CCND1: variants seen among roughly 807,000 people sequenced by gnomAD.
CCND1 encodes the protein cyclin D1.
CCND1 carries 9 observed loss-of-function variants against 26.1 expected under a neutral mutation model. The observed-to-expected ratio is 0.35, with a 90% CI of 0.21 to 0.60. The LOEUF is 0.60. Ranked by LOEUF, CCND1 falls within the 20% of genes least tolerant of loss-of-function variation. The pLI is 0.79. For synonymous variants in CCND1, 194 were observed against 166.1 expected (o/e 1.17, Z -1.29); for missense variants, 335 against 392.9 (o/e 0.85, Z 1.25).
intron 3 of CCND1, among the ~76,000 whole-genome samples, chr11:69,645,816 T>C (rs779397495): frequency 1.3e-5 from 2 of 152,188 alleles, no homozygotes; most frequent in Non-Finnish European, 2.9e-5. Context: ...CTCCCTGCAC[T>C]AGGCATTCCT....
chr11:69,641,544 C>T (rs1046158576), intron 1 of CCND1, 33 bp downstream of exon 1: 1 of 1,602,268 alleles, frequency 6.2e-7, no homozygotes, highest in Admixed American at 1.7e-5. Flanking sequence ...CTTAAGACTT[C>T]CCTGCAACTT....
At chr11:69,648,276 C>T (rs951848670) in intron 4 of CCND1, 134 bp downstream of exon 4, 8 of 929,002 alleles carry the variant, frequency 8.6e-6, no homozygotes, top group Non-Finnish European at 1.3e-5. Context: ...GCCCCTCGGA[C>T]CCCAGGCCAC....
intron 4 of CCND1, among the ~76,000 whole-genome samples, chr11:69,650,713 T>A (rs1001310794): frequency 2.0e-5 from 3 of 152,130 alleles, no homozygotes; most frequent in Admixed American, 2.0e-4. Context: ...AGAGGTTAAG[T>A]CTGAAAAGGC....
chr11:69,653,178 A>C lies in CCND1; in HGVS notation c.*1896A>C, dbSNP rs1303778732. 2 of 648,744 alleles carry C rather than the reference A, an allele frequency of 3.1e-6. No individual in the cohort carries two copies. Among genetic ancestry groups the C allele is most frequent in the East Asian group, 5.6e-5 (2 of 35,610 alleles). 40.2% of individuals were successfully genotyped at this position (648,744 alleles called of 1,614,324 possible). A position where few individuals can be genotyped will look rare whatever the true frequency, so the allele number is the denominator to read the frequency against. ...ACAGGCGGGAGGAGGTGTGAGGAGGAGGCTCCCGAGGGGAAGGGGCGGTGC... is the reference window on the plus strand; with the variant it reads ...ACAGGCGGGAGGAGGTGTGAGGAGGCGGCTCCCGAGGGGAAGGGGCGGTGC... On this transcript the variant is annotated 3_prime_UTR_variant, in exon 5 of 5. Transcript: ENST00000227507.
At chr11:69,641,787 A>G (rs1339331409) in intron 1 of CCND1, among the ~76,000 whole-genome samples, 2 of 151,684 alleles carry the variant, frequency 1.3e-5, no homozygotes, top group Non-Finnish European at 2.9e-5. Context: ...GGGCACCCCA[A>G]TGGGCCCGAG....
chr11:69,645,068 C>G (rs1043444441), intron 3 of CCND1, among the ~76,000 whole-genome samples: 31 of 152,290 alleles, frequency 2.0e-4, no homozygotes, highest in African/African-American at 6.7e-4. Flanking sequence ...AGGCCTCCCC[C>G]ACCTCCTCCA....
At chr11:69,642,437 G>A (rs1168300037) in intron 1 of CCND1, among the ~76,000 whole-genome samples, 1 of 152,208 alleles carries the variant, frequency 6.6e-6, no homozygotes. Context: ...GGGGAAGGGG[G>A]GGCCCCGGAG....
At chr11:69,642,968 C>A in intron 1 of CCND1, 63 bp from the exon 2 acceptor site, 1 of 1,277,872 alleles carries the variant, frequency 7.8e-7, no homozygotes, top group Non-Finnish European at 1.0e-6. Flanking sequence ...ATGGGGGGTG[C>A]GGGGGCGTGC....
At position 69,653,207 on chromosome 11, in the gene CCND1, C is replaced by T; in HGVS notation, c.*1925C>T. The T allele has an allele frequency of 1.4e-6, 1 of 692,128 alleles. No homozygotes were observed. Among genetic ancestry groups the T allele is most frequent in the Non-Finnish European group, 2.6e-6 (1 of 380,130 alleles). The allele number at this position is 692,128 out of a possible 1,614,324, so 42.9% of individuals were successfully genotyped here. A position where few individuals can be genotyped will look rare whatever the true frequency, so the allele number is the denominator to read the frequency against. ...TCCCGAGGGGAAGGGGCGGTGCCCA[C>T]ACCGGGGACAGGCCGCAGCTCCATT... On this transcript the variant is annotated 3_prime_UTR_variant, in exon 5 of 5. Coordinates refer to ENST00000227507, the MANE Select transcript of CCND1 (RefSeq NM_053056.3).
Position 69,654,463 on chromosome 11 carries a change from G to A in CCND1, c.*3181G>A, listed in dbSNP as rs1180746537. 5 of 653,466 alleles carry A rather than the reference G, an allele frequency of 7.7e-6. No individual in the cohort carries two copies. The highest frequency in any genetic ancestry group is 1.4e-5 in the Non-Finnish European group (5 of 358,588). The allele number at this position is 653,466 out of a possible 1,614,324, so 40.5% of individuals were successfully genotyped here. A position where few individuals can be genotyped will look rare whatever the true frequency, so the allele number is the denominator to read the frequency against. ...AACATGAAAGTCTAGAAATAAAACT[G>A]GTAAAACCCCAGCGTGGTGCCTGCC... On this transcript the variant is annotated 3_prime_UTR_variant, in exon 5 of 5. Transcript: ENST00000227507. The surrounding 1 kb of genome is among the most constrained non-coding windows in gnomAD (Gnocchi z 6.3).
intron 3 of CCND1, among the ~76,000 whole-genome samples, chr11:69,644,505 C>G (rs1398511235): frequency 6.6e-6 from 1 of 152,190 alleles, no homozygotes; most frequent in East Asian, 1.9e-4. Context: ...GCAGGGGTGT[C>G]CAGCAGAGGA....
At position 69,644,164 on chromosome 11, in the gene CCND1, C is replaced by G. The variant is rs1354175828; in HGVS notation, c.574+173C>G. 22 of 669,184 alleles carry G rather than the reference C, an allele frequency of 3.3e-5. 1 individual carries two copies. The East Asian group carries it at 6.0e-4, about 18-fold the overall frequency. 41.5% of individuals were successfully genotyped at this position (669,184 alleles called of 1,614,324 possible). ...TGAGCAGAGGCCCTGGATTGTTTGT[C>G]GCGCTGGATGGAGGGAGATTTGCTC... is the stretch of plus-strand genomic sequence containing the variant. On this transcript the variant is annotated intron_variant, in intron 3 of 4. Coordinates refer to ENST00000227507, the MANE Select transcript of CCND1 (RefSeq NM_053056.3).
At position 69,652,748 on chromosome 11, in the gene CCND1, A is replaced by T. The variant is rs1855869531; in HGVS notation, c.*1466A>T. The T allele has an allele frequency of 4.3e-6, 1 of 231,136 alleles. No individual in the cohort carries two copies. The highest frequency in any genetic ancestry group is 6.1e-5 in the East Asian group (1 of 16,442). The allele number at this position is 231,136 out of a possible 1,614,324, so 14.3% of individuals were successfully genotyped here. ...TTCATAAGGCCAGTATGATTTATAA[A>T]TGCAATCTCCCCTTGATTTAAACAC... On this transcript the variant is annotated 3_prime_UTR_variant, in exon 5 of 5. Transcript: ENST00000227507.
At chr11:69,646,327 C>T (rs907452193) in intron 3 of CCND1, among the ~76,000 whole-genome samples, 3 of 152,172 alleles carry the variant, frequency 2.0e-5, no homozygotes, top group Non-Finnish European at 4.4e-5. Flanking sequence ...TAAGTTGTTA[C>T]GGCGCCCAGC....
intron 1 of CCND1, 76 bp downstream of exon 1, chr11:69,641,587 C>T (rs541049900): frequency 5.2e-6 from 7 of 1,353,740 alleles, no homozygotes; most frequent in Non-Finnish European, 6.3e-6. Context: ...TGCTACTCAC[C>T]CCCCTCCCTT....
At chr11:69,651,050 G>A (rs1855847013) in intron 4 of CCND1, 68 bp from the exon 5 acceptor site, 6 of 1,475,040 alleles carry the variant, frequency 4.1e-6, no homozygotes, top group Non-Finnish European at 4.6e-6. Context: ...CACCTGGGAA[G>A]GGGCCCTCGC....
At chr11:69,643,623 G>C in intron 2 of CCND1, 2 of 510,282 alleles carry the variant, frequency 3.9e-6, no homozygotes, top group Non-Finnish European at 6.8e-6. Flanking sequence ...CGCCTTTTCT[G>C]TTTTGATCTG....
intron 4 of CCND1, among the ~76,000 whole-genome samples, chr11:69,648,499 A>G (rs1030678500): frequency 6.6e-6 from 1 of 152,216 alleles, no homozygotes; most frequent in African/African-American, 2.4e-5. Context: ...TTGGGCCACA[A>G]TGTGCGTGGC....
chr11:69,651,382 CA>C lies in CCND1; in HGVS notation c.*101del, dbSNP rs1173069451. ...CCTCCTCTCCGGAGCATTTTGATAC[CA>C]GAAGGGAAAGCTTCATTCTCCTTGT... On this transcript the variant is annotated 3_prime_UTR_variant, in exon 5 of 5. Transcript: ENST00000227507. The C allele has an allele frequency of 1.3e-5, 13 of 1,022,708 alleles. No individual in the cohort carries two copies. The highest frequency in any genetic ancestry group is 1.7e-5 in the Non-Finnish European group (13 of 757,962). The allele number at this position is 1,022,708 out of a possible 1,614,324, so 63.4% of individuals were successfully genotyped here.
Sources: gnomAD v4.1 joint callset for allele counts (sites outside exome capture counted in the v4.1 genomes callset) on GRCh38, gnomAD v4.1.1 for gene constraint, Gnocchi (gnomAD v3.1) non-coding constraint, MANE v1.5 for transcripts, NCBI Gene and HGNC (gene_info 2026-07-23, HGNC 2026-07-21) for gene names.